The following CSDC2 variants were observed in gnomAD, a reference collection of about 807,000 sequenced individuals.
The protein encoded by CSDC2 is cold shock domain containing C2.
CSDC2 carries 8 observed loss-of-function variants against 15.8 expected under a neutral mutation model. That is an observed-to-expected ratio of 0.51 (90% CI 0.30 to 0.92). The LOEUF is 0.92. Among genes scored for constraint, CSDC2 ranks in the 40% least tolerant of loss-of-function variants. The pLI is 0.07. For missense variants in CSDC2, 195 were observed against 213.3 expected, an observed-to-expected ratio of 0.91 and a Z score of 0.53; for synonymous variants, 96 against 92.3, an observed-to-expected ratio of 1.04 and a Z score of -0.23.
intron 1 of CSDC2, among the ~76,000 whole-genome samples, chr22:41,569,406 C>T (rs2067133555): frequency 6.6e-6 from 1 of 152,148 alleles, no homozygotes; most frequent in Non-Finnish European, 1.5e-5. Context: ...CAAAAAGAAA[C>T]GTTCTACCCA....
In CSDC2 at chr22:41,573,736, C is replaced by T. The variant is rs1412022403; in HGVS notation, c.258C>T (p.Thr86=). 7.1e-5 allele frequency: 114 copies of T among 1,613,790 alleles called. No individual in the cohort carries two copies. Among genetic ancestry groups the T allele is most frequent in the Non-Finnish European group, 9.7e-5 (114 of 1,179,940 alleles). ...FSRSQGHGFI[T]PENGSEDIFV... is the part of the protein sequence containing the mutation. The stretch of plus-strand genomic sequence containing the variant: ...GCTCACAGGGCCATGGCTTCATCAC[C>T]CCCGAGAACGGGTCCGAGGACATCT... The change falls in exon 3 of 4, where the codon ACC becomes ACT. Residue 86 remains threonine, a synonymous_variant. Coordinates refer to ENST00000306149, the MANE Select transcript of CSDC2 (RefSeq NM_014460.4).
intron 1 of CSDC2, among the ~76,000 whole-genome samples, chr22:41,569,941 G>A (rs1041697091): frequency 3.3e-5 from 5 of 151,930 alleles, no homozygotes; most frequent in African/African-American, 1.2e-4. Context: ...CATCACACCC[G>A]ATTAATTTTT....
Position 41,573,717 on chromosome 22 carries a change from A to G in CSDC2, c.239A>G (p.Gln80Arg), listed in dbSNP as rs1218527097. ...GTCTGTAAGCAGTTCTCACGCTCAC[A>G]GGGCCATGGCTTCATCACCCCCGAG... The part of the protein sequence containing the change: ...KGVCKQFSRS[Q>R]GHGFITPENG... The change falls in exon 3 of 4, where the codon CAG (glutamine) becomes CGG (arginine). Residue 80 changes from glutamine (Q) to arginine (R), a missense_variant. Transcript: ENST00000306149. 6.2e-7 allele frequency: 1 copy of G among 1,613,726 alleles called. No homozygotes were observed. Among genetic ancestry groups the G allele is most frequent in the South Asian group, 1.1e-5 (1 of 91,056 alleles).
chr22:41,567,133 A>G (rs1327410993), intron 1 of CSDC2, among the ~76,000 whole-genome samples: 2 of 152,202 alleles, frequency 1.3e-5, no homozygotes, highest in Non-Finnish European at 2.9e-5. Context: ...CAAATGTTCT[A>G]GAAACATATC....
chr22:41,569,687 G>A (rs971189327), intron 1 of CSDC2, among the ~76,000 whole-genome samples: 2 of 151,952 alleles, frequency 1.3e-5, no homozygotes, highest in Admixed American at 6.6e-5. Context: ...ATCTGCTGAT[G>A]GGCTCGGGCT....
chr22:41,572,426 A>G (rs2067151999), intron 2 of CSDC2, among the ~76,000 whole-genome samples: 1 of 137,954 alleles, frequency 7.2e-6, no homozygotes, highest in African/African-American at 2.7e-5. Flanking sequence ...CCATCCATCC[A>G]TCCATCCACC....
chr22:41,565,843 T>C (rs2067111027), intron 1 of CSDC2, among the ~76,000 whole-genome samples: 2 of 152,172 alleles, frequency 1.3e-5, no homozygotes, highest in Non-Finnish European at 2.9e-5. Flanking sequence ...TCTGGCCTTC[T>C]GCAGGGAAAT....
In CSDC2 at chr22:41,572,132, C is replaced by T; in HGVS notation, c.167C>T (p.Thr56Ile). The change falls in exon 2 of 4, where the codon ACC becomes ATC. Residue 56 changes from threonine (T) to isoleucine (I), a missense_variant. Transcript: ENST00000306149. ...CCTCTGCCCACCAAGCGGACCAGGA[C>T]CTATTCAGCGTGAGTACCTGCCCCT... ...PSPLPTKRTRTYSATARASAG... is the reference protein window; with the variant it reads ...PSPLPTKRTRIYSATARASAG... 1.5e-6 allele frequency: 2 copies of T among 1,327,784 alleles called. No homozygotes were observed. Among genetic ancestry groups the T allele is most frequent in the Non-Finnish European group, 1.9e-6 (2 of 1,032,546 alleles). The allele number at this position is 1,327,784 out of a possible 1,614,324, so 82.3% of individuals were successfully genotyped here. A position where few individuals can be genotyped will look rare whatever the true frequency, so the allele number is the denominator to read the frequency against.
At chr22:41,566,076 G>A (rs905230343) in intron 1 of CSDC2, among the ~76,000 whole-genome samples, 7 of 151,538 alleles carry the variant, frequency 4.6e-5, no homozygotes, top group African/African-American at 1.7e-4. Context: ...AGGCCAAGGC[G>A]GGTGGATCAC....
intron 1 of CSDC2, among the ~76,000 whole-genome samples, chr22:41,563,574 C>G (rs1441852936): frequency 6.6e-6 from 1 of 152,038 alleles, no homozygotes; most frequent in Non-Finnish European, 1.5e-5. Flanking sequence ...AGCGCAAAGC[C>G]AGAAATAAAA....
At chr22:41,574,582 GA>G (rs978467817) in intron 3 of CSDC2, 150 bp from the exon 4 acceptor site, 2 of 873,502 alleles carry the variant, frequency 2.3e-6, no homozygotes, top group African/African-American at 3.4e-5. Flanking sequence ...CCGTTTTACA[GA>G]TTCGAGAGCT....
At chr22:41,565,449 CAAAAAAAAAA>C (rs34460484) in intron 1 of CSDC2, among the ~76,000 whole-genome samples, 1 of 57,492 alleles carries the variant, frequency 1.7e-5, no homozygotes, top group African/African-American at 5.2e-5. Context: ...GATTCCATCT[CAAAAAAAAAA>C]AAAAAAAAAA....
In CSDC2 at chr22:41,572,122, CGGACCA is replaced by C. The variant is rs1569048917; in HGVS notation, c.163_168del (p.Arg55_Thr56del). ...CCTACCCAGCCCTCTGCCCACCAAG[CGGACCA>C]GGACCTATTCAGCGTGAGTACCTGC... is the stretch of plus-strand genomic sequence containing the variant. On this transcript the variant is annotated inframe_deletion, in exon 2 of 4. Transcript: ENST00000306149. 1.5e-6 allele frequency: 2 copies of C among 1,337,288 alleles called. No individual in the cohort carries two copies. The highest frequency in any genetic ancestry group is 3.0e-5 in the African/African-American group (2 of 66,474). 82.8% of individuals were successfully genotyped at this position (1,337,288 alleles called of 1,614,324 possible). A position where few individuals can be genotyped will look rare whatever the true frequency, so the allele number is the denominator to read the frequency against.
intron 1 of CSDC2, among the ~76,000 whole-genome samples, chr22:41,571,235 TC>T (rs2067143865): frequency 1.3e-5 from 2 of 152,040 alleles, no homozygotes; most frequent in South Asian, 4.2e-4. Context: ...GCGCCTGTAA[TC>T]CCAGCTACTC....
chr22:41,570,271 G>A (rs535084787), intron 1 of CSDC2, among the ~76,000 whole-genome samples: 18 of 152,226 alleles, frequency 1.2e-4, no homozygotes, highest in Non-Finnish European at 2.1e-4. Context: ...CCTGACTGGA[G>A]GGGGAGGGTT....
At position 41,575,008 on chromosome 22, in the gene CSDC2, A is replaced by G. The variant is rs918639683; in HGVS notation, c.*113A>G. 12 of 1,221,442 alleles carry G rather than the reference A, an allele frequency of 9.8e-6. No homozygotes were observed. The Admixed American group carries it at 2.7e-4, about 27-fold the overall frequency. 75.7% of individuals were successfully genotyped at this position (1,221,442 alleles called of 1,614,324 possible). On this transcript the variant is annotated 3_prime_UTR_variant, in exon 4 of 4. Transcript: ENST00000306149. ...GGCTGATGAGTCCTTCGGTGGCCTC[A>G]GTGTGCACGTCTGTCTGTCCGTCTG...
At position 41,566,057 on chromosome 22, in the gene CSDC2, C is replaced by T. The variant is rs2067112069; in HGVS notation, c.-124+4874C>T. ...CAGTGGCTCATGCCTGAAATCCCAG[C>T]ACTTTGGGAGGCCAAGGCGGGTGGA... On this transcript the variant is annotated intron_variant, in intron 1 of 3. Transcript: ENST00000306149. 2.0e-5 allele frequency among the ~76,000 whole-genome samples: 3 copies of T among 151,426 alleles called. No individual in the cohort carries two copies. In the South Asian group the frequency reaches 6.2e-4, roughly 31 times the overall value.
intron 1 of CSDC2, among the ~76,000 whole-genome samples, chr22:41,563,426 A>G (rs1338439430): frequency 1.3e-5 from 2 of 151,974 alleles, no homozygotes; most frequent in Non-Finnish European, 1.5e-5. Context: ...CGTCCTTTCT[A>G]TTTTTAAACC....
rs1182102787 is a variant in CSDC2 at position 41,568,603 on chromosome 22, T to C, written c.-123-3240T>C. Among the ~76,000 whole-genome samples the C allele has an allele frequency of 1.3e-5, 2 of 152,216 alleles. 1 individual carries two copies. Among genetic ancestry groups the C allele is most frequent in the African/African-American group, 4.8e-5 (2 of 41,466 alleles). ...CCTGTTGGAGGAGGAATTCTTGTGATCCCCATTTCCCAGATAAGGAAACTG... is the reference window on the plus strand; with the variant it reads ...CCTGTTGGAGGAGGAATTCTTGTGACCCCCATTTCCCAGATAAGGAAACTG... On this transcript the variant is annotated intron_variant, in intron 1 of 3. Coordinates refer to ENST00000306149, the MANE Select transcript of CSDC2 (RefSeq NM_014460.4).
Sources: gnomAD v4.1 joint callset for allele counts (sites outside exome capture counted in the v4.1 genomes callset) on GRCh38, gnomAD v4.1.1 for gene constraint, MANE v1.5 for transcripts, NCBI Gene and HGNC (gene_info 2026-07-23, HGNC 2026-07-21) for gene names.